ANOS1: variants seen among roughly 807,000 people sequenced by gnomAD.
The protein encoded by ANOS1 is anosmin 1.
In ANOS1, 6 loss-of-function variants were observed where a neutral mutation model predicts 59.0. The observed-to-expected ratio is 0.10, with a 90% CI of 0.06 to 0.20. The LOEUF is 0.20. Ranked by LOEUF, ANOS1 falls within the 10% of genes least tolerant of loss-of-function variation. The pLI, the probability that ANOS1 is intolerant of heterozygous loss-of-function variation, is 1.00. For synonymous variants in ANOS1, 217 were observed against 223.4 expected (o/e 0.97, Z 0.25); for missense variants, 433 against 542.3 (o/e 0.80, Z 2.00).
chrX:8,730,005 G>A (rs764528362), intron 1 of ANOS1, among the ~76,000 whole-genome samples: 29 of 111,432 alleles, frequency 2.6e-4, no homozygotes, highest in Non-Finnish European at 4.1e-4. Flanking sequence ...CATTCTGTCA[G>A]CAGTTTTTCT....
At chrX:8,666,726 A>G (rs748332646) in intron 2 of ANOS1, among the ~76,000 whole-genome samples, 3 of 112,352 alleles carry the variant, frequency 2.7e-5, no homozygotes, top group African/African-American at 9.7e-5. Context: ...CTGTTTTTGT[A>G]CTAAATGAAA....
At chrX:8,730,687 G>A (rs748737105) in intron 1 of ANOS1, among the ~76,000 whole-genome samples, 3 of 105,199 alleles carry the variant, frequency 2.9e-5, no homozygotes, top group Admixed American at 2.1e-4. Context: ...CCTCCCCCCA[G>A]CCCCCATTTC....
At chrX:8,583,483 G>A (rs1261083670) in intron 6 of ANOS1, among the ~76,000 whole-genome samples, 1 of 112,012 alleles carries the variant, frequency 8.9e-6, no homozygotes. Flanking sequence ...TGGTGAGAAT[G>A]AGAAAAGTGT....
intron 2 of ANOS1, among the ~76,000 whole-genome samples, chrX:8,625,811 C>G: frequency 9.0e-6 from 1 of 111,067 alleles, no homozygotes; most frequent in Non-Finnish European, 1.9e-5. Context: ...GCTTAGTAAA[C>G]TTTAAAAAGA....
intron 1 of ANOS1, among the ~76,000 whole-genome samples, chrX:8,721,154 G>C (rs1330575413): frequency 9.0e-6 from 1 of 111,437 alleles, no homozygotes; most frequent in Admixed American, 9.6e-5. Flanking sequence ...CCTTTCAATT[G>C]TCCTCATCTG....
chrX:8,533,111 G>T (rs868088241), intron 13 of ANOS1, 58 bp from the exon 14 acceptor site: 2 of 717,043 alleles, frequency 2.8e-6, no homozygotes, highest in Middle Eastern at 6.1e-4. Context: ...ATAAATGATA[G>T]AATTACCTTT....
At chrX:8,535,291 G>A in intron 12 of ANOS1, 2 of 325,769 alleles carry the variant, frequency 6.1e-6, no homozygotes, top group East Asian at 1.1e-4. Context: ...AGAGACATGA[G>A]GTTAACAAAG....
chrX:8,534,234 T>G, intron 13 of ANOS1, 85 bp downstream of exon 13: 2 of 981,283 alleles, frequency 2.0e-6, no homozygotes, highest in Non-Finnish European at 2.9e-6. Context: ...ACTAGTGTAT[T>G]TATTTGTTTT....
At chrX:8,572,499 G>A (rs1930249857) in intron 6 of ANOS1, among the ~76,000 whole-genome samples, 1 of 112,282 alleles carries the variant, frequency 8.9e-6, no homozygotes. Flanking sequence ...ATTCCATGGT[G>A]GATATGTTCC....
intron 2 of ANOS1, among the ~76,000 whole-genome samples, chrX:8,678,806 G>A (rs1344185615): frequency 1.8e-5 from 2 of 111,983 alleles, no homozygotes; most frequent in African/African-American, 6.5e-5. Flanking sequence ...AAGAATAAAA[G>A]CTTGCTCTGC....
At chrX:8,650,591 G>A (rs1292060057) in intron 2 of ANOS1, among the ~76,000 whole-genome samples, 3 of 111,931 alleles carry the variant, frequency 2.7e-5, no homozygotes, top group Admixed American at 9.5e-5. Context: ...GGTGGCGGAC[G>A]TCTGTAATCC....
chrX:8,535,478 A>G (rs1287045337), intron 12 of ANOS1, 113 bp downstream of exon 12: 9 of 573,790 alleles, frequency 1.6e-5, no homozygotes, highest in Non-Finnish European at 2.4e-5. Context: ...AAATGCAAAA[A>G]TAAGACTCAA....
At chrX:8,645,691 G>C (rs188153018) in intron 2 of ANOS1, among the ~76,000 whole-genome samples, 1 of 111,567 alleles carries the variant, frequency 9.0e-6, no homozygotes, top group African/African-American at 3.3e-5. Context: ...GTGCAATCTT[G>C]GTTCACTGCA....
At chrX:8,545,836 G>A (rs997748562) in intron 9 of ANOS1, among the ~76,000 whole-genome samples, 2 of 112,228 alleles carry the variant, frequency 1.8e-5, no homozygotes, top group East Asian at 2.8e-4. Flanking sequence ...GTTTATGATT[G>A]AGTTTTGATT....
rs1351521605 is a variant in ANOS1, at chrX:8,585,810, C to A, written c.727-414G>T. Among the ~76,000 whole-genome samples, 14 of 111,936 alleles carry A rather than the reference C, an allele frequency of 1.3e-4. No homozygotes were observed. The Admixed American group carries it at 1.3e-3, about 11-fold the overall frequency. On this transcript the variant is annotated intron_variant, in intron 5 of 13. Transcript: ENST00000262648. ...AAATATAACTGTAAAATAGGTATAA[C>A]AACCCACATGCAACCCACTAGCAAT...
chrX:8,694,189 G>T (rs1932649695), intron 2 of ANOS1, among the ~76,000 whole-genome samples: 1 of 111,426 alleles, frequency 9.0e-6, no homozygotes, highest in South Asian at 3.8e-4. Context: ...ACTGAAATGG[G>T]ATTAATCAGA....
intron 2 of ANOS1, among the ~76,000 whole-genome samples, chrX:8,659,568 C>T (rs35243147): frequency 4.8e-5 from 4 of 84,089 alleles, no homozygotes; most frequent in African/African-American, 1.1e-4. Context: ...CTTCCTTCCT[C>T]CCTGCTTGCT....
At chrX:8,694,796 A>G (rs1932659271) in intron 2 of ANOS1, among the ~76,000 whole-genome samples, 1 of 112,591 alleles carries the variant, frequency 8.9e-6, no homozygotes, top group African/African-American at 3.2e-5. Context: ...CATTCCAAAA[A>G]GTATTTAGTG....
At chrX:8,578,830 C>T (rs1980473257) in intron 6 of ANOS1, among the ~76,000 whole-genome samples, 2 of 112,037 alleles carry the variant, frequency 1.8e-5, no homozygotes, top group Non-Finnish European at 3.8e-5. Flanking sequence ...AACATGCTTG[C>T]CCGCTTTTGG....
Sources: allele counts gnomAD v4.1 joint callset (sites outside exome capture counted in the v4.1 genomes callset), GRCh38; gene constraint gnomAD v4.1.1; transcripts MANE v1.5; gene names NCBI Gene and HGNC (gene_info 2026-07-23, HGNC 2026-07-21).